Variants in SLC14A2 observed in about 807,000 individuals in gnomAD.
SLC14A2 encodes the protein solute carrier family 14 member 2.
A neutral mutation model predicts 104.6 loss-of-function variants in SLC14A2; 91 were observed. That is an observed-to-expected ratio of 0.87 (90% CI 0.73 to 1.04). SLC14A2 has a LOEUF of 1.04. SLC14A2 is among the 50% of genes least tolerant of loss of function. The pLI, the probability that SLC14A2 is intolerant of heterozygous loss-of-function variation, is 0.00. For synonymous variants in SLC14A2, 476 were observed against 466.4 expected, an observed-to-expected ratio of 1.02 and a Z score of -0.27; for missense variants, 1,189 against 1,156.0, an observed-to-expected ratio of 1.03 and a Z score of -0.41.
At chr18:45,538,786 T>A (rs1220429727) in intron 2 of SLC14A2, among the ~76,000 whole-genome samples, 1 of 151,726 alleles carries the variant, frequency 6.6e-6, no homozygotes, top group Non-Finnish European at 1.5e-5. Context: ...TGAAGTCTGA[T>A]TCTGGTCATC....
At chr18:45,304,431 G>T (rs1043819548) in intron 1 of SLC14A2, among the ~76,000 whole-genome samples, 1 of 152,160 alleles carries the variant, frequency 6.6e-6, no homozygotes, top group Non-Finnish European at 1.5e-5. Flanking sequence ...TTTTGTCTCT[G>T]TTTCTAAGCT....
chr18:45,395,460 C>G (rs757302788), intron 1 of SLC14A2, among the ~76,000 whole-genome samples: 1 of 152,130 alleles, frequency 6.6e-6, no homozygotes, highest in African/African-American at 2.4e-5. Flanking sequence ...TGAAAAAGTT[C>G]TAGAGATCTG....
chr18:45,322,398 A>T (rs975431241), intron 1 of SLC14A2, among the ~76,000 whole-genome samples: 4 of 152,220 alleles, frequency 2.6e-5, no homozygotes, highest in Non-Finnish European at 5.9e-5. Context: ...GCTTAAAAAA[A>T]CATTTCCAAG....
At chr18:45,335,844 A>T (rs1375821489) in intron 1 of SLC14A2, among the ~76,000 whole-genome samples, 1 of 152,138 alleles carries the variant, frequency 6.6e-6, no homozygotes, top group Non-Finnish European at 1.5e-5. Flanking sequence ...GATTCATTGG[A>T]TAAATGGCTC....
At position 45,226,003 on chromosome 18, in the gene SLC14A2, G is replaced by A. The variant is rs1371185894; in HGVS notation, c.-125+12812G>A. On this transcript the variant is annotated intron_variant, in intron 1 of 20. Coordinates refer to the SLC14A2 transcript ENST00000586448. ...AATGAAACAACCCCATCAAAAAGTG[G>A]GCAAAGGATATGAACAGACACTTCT... Among the ~76,000 whole-genome samples the A allele has an allele frequency of 3.9e-5, 6 of 152,198 alleles. No homozygotes were observed. The East Asian group carries it at 5.8e-4, about 15-fold the overall frequency.
chr18:45,611,781 C>T (rs2144451692), upstream of SLC14A2, among the ~76,000 whole-genome samples: 1 of 152,258 alleles, frequency 6.6e-6, no homozygotes, highest in Admixed American at 6.5e-5. Flanking sequence ...GAAGCAGGTA[C>T]CCTCACATCA....
the SLC14A2 span, among the ~76,000 whole-genome samples, chr18:45,189,303 T>C: frequency 6.6e-6 from 1 of 152,186 alleles, no homozygotes; most frequent in African/African-American, 2.4e-5. Flanking sequence ...GGTCATGTTA[T>C]TTCAGTTAAA....
intron 1 of SLC14A2, among the ~76,000 whole-genome samples, chr18:45,376,314 C>A (rs2085774389): frequency 1.3e-5 from 2 of 152,120 alleles, no homozygotes; most frequent in Admixed American, 1.3e-4. Context: ...GTGTCTGCCA[C>A]AAATAAATGC....
chr18:45,239,693 A>T (rs907966398), intron 1 of SLC14A2, among the ~76,000 whole-genome samples: 4 of 152,250 alleles, frequency 2.6e-5, no homozygotes, highest in African/African-American at 9.6e-5. Context: ...TTCACTGGGG[A>T]GGAAATTCTT....
chr18:45,291,308 A>T (rs1410027435), intron 1 of SLC14A2, among the ~76,000 whole-genome samples: 1 of 152,110 alleles, frequency 6.6e-6, no homozygotes, highest in African/African-American at 2.4e-5. Flanking sequence ...AAAAAAAGAG[A>T]CAATTCTTTC....
At chr18:45,433,885 G>T (rs1028212638) in intron 1 of SLC14A2, among the ~76,000 whole-genome samples, 2 of 152,162 alleles carry the variant, frequency 1.3e-5, no homozygotes, top group Non-Finnish European at 2.9e-5. Flanking sequence ...GGGGAAGATG[G>T]ATGGTGGCCA....
chr18:45,451,335 C>T (rs142248899), intron 1 of SLC14A2, among the ~76,000 whole-genome samples: 9 of 151,908 alleles, frequency 5.9e-5, no homozygotes, highest in African/African-American at 1.7e-4. Context: ...ATTCTTAATG[C>T]GTTCAATTTG....
At chr18:45,451,641 T>C (rs997325813) in intron 1 of SLC14A2, among the ~76,000 whole-genome samples, 1 of 151,180 alleles carries the variant, frequency 6.6e-6, no homozygotes, top group African/African-American at 2.5e-5. Flanking sequence ...CCTTTTCTCT[T>C]ATTCACGTTC....
At chr18:45,532,167 T>C (rs953060141) in intron 2 of SLC14A2, among the ~76,000 whole-genome samples, 6 of 152,220 alleles carry the variant, frequency 3.9e-5, no homozygotes, top group African/African-American at 1.2e-4. Context: ...TTTCTTAGGA[T>C]TGACTTGGCA....
At chr18:45,296,344 AC>A (rs1396442989) in intron 1 of SLC14A2, among the ~76,000 whole-genome samples, 6 of 152,080 alleles carry the variant, frequency 3.9e-5, no homozygotes, top group Non-Finnish European at 8.8e-5. Flanking sequence ...AGACCCTAAA[AC>A]TTCTCTGCTA....
At chr18:45,545,578 C>G (rs559716981) in intron 2 of SLC14A2, among the ~76,000 whole-genome samples, 3 of 152,296 alleles carry the variant, frequency 2.0e-5, no homozygotes, top group African/African-American at 7.2e-5. Flanking sequence ...TTATAATTAT[C>G]AAGAAACACG....
chr18:45,332,117 A>C (rs2085296518), intron 1 of SLC14A2, among the ~76,000 whole-genome samples: 1 of 152,222 alleles, frequency 6.6e-6, no homozygotes. Context: ...AAGCTGTAAC[A>C]TTCCAATCAA....
At chr18:45,522,055 G>A (rs72902314) in intron 2 of SLC14A2, among the ~76,000 whole-genome samples, 15,549 of 152,192 alleles carry the variant, frequency 0.1, 854 homozygotes, top group Non-Finnish European at 0.12. Flanking sequence ...TTGCCCCTTG[G>A]GCAATCTAAG....
intron 1 of SLC14A2, among the ~76,000 whole-genome samples, chr18:45,315,993 G>T (rs1047278578): frequency 6.6e-6 from 1 of 152,206 alleles, no homozygotes; most frequent in African/African-American, 2.4e-5. Flanking sequence ...TTGCTTGTTA[G>T]ACTTTTCTCT....
Sources: gnomAD v4.1 joint callset for allele counts (sites outside exome capture counted in the v4.1 genomes callset) on GRCh38, gnomAD v4.1.1 for gene constraint, MANE v1.5 for transcripts, NCBI Gene and HGNC (gene_info 2026-07-23, HGNC 2026-07-21) for gene names.